Variants in PRKG1 observed in about 807,000 individuals in gnomAD.
The protein encoded by PRKG1 is cGMP-dependent protein kinase 1.
Under a neutral mutation model 88.1 loss-of-function variants are expected in PRKG1, and 35 were observed. The ratio of observed to expected loss-of-function variants is 0.40; its 90% CI spans 0.30 to 0.53. The LOEUF (loss-of-function observed/expected upper bound fraction) is 0.53, where lower values mean the gene tolerates loss of function less well. Ranked by LOEUF, PRKG1 falls within the 20% of genes least tolerant of loss-of-function variation. PRKG1 has a pLI of 0.59. For synonymous variants in PRKG1, 303 were observed against 292.5 expected, an observed-to-expected ratio of 1.04 and a Z score of -0.37; for missense variants, 540 against 839.8, an observed-to-expected ratio of 0.64 and a Z score of 4.41.
intron 3 of PRKG1, among the ~76,000 whole-genome samples, chr10:51,553,271 T>C (rs2132131698): frequency 6.6e-6 from 1 of 151,780 alleles, no homozygotes; most frequent in African/African-American, 2.4e-5. Context: ...AGACTGTAAA[T>C]AAAACCTTAT....
At chr10:52,275,418 G>A (rs2132439044) in intron 12 of PRKG1, among the ~76,000 whole-genome samples, 1 of 152,256 alleles carries the variant, frequency 6.6e-6, no homozygotes, top group African/African-American at 2.4e-5. Flanking sequence ...AATTATTCCA[G>A]CAGCATTTGT....
intron 4 of PRKG1, among the ~76,000 whole-genome samples, chr10:51,866,080 G>A (rs1277639515): frequency 6.6e-6 from 1 of 151,892 alleles, no homozygotes; most frequent in African/African-American, 2.4e-5. Flanking sequence ...AGAACCTACA[G>A]GATTTAAGTA....
chr10:51,115,147 C>A (rs1206923523), intron 1 of PRKG1, among the ~76,000 whole-genome samples: 2 of 150,942 alleles, frequency 1.3e-5, no homozygotes, highest in African/African-American at 2.4e-5. Context: ...AACCCCATCT[C>A]TACTGAAAAT....
At chr10:52,095,844 A>G (rs993060608) in intron 7 of PRKG1, among the ~76,000 whole-genome samples, 2 of 152,322 alleles carry the variant, frequency 1.3e-5, no homozygotes, top group African/African-American at 4.8e-5. Flanking sequence ...GCTAGTGATC[A>G]GGTTTACTAC....
chr10:52,133,946 C>G, intron 8 of PRKG1, 41 bp downstream of exon 8: 1 of 1,453,224 alleles, frequency 6.9e-7, no homozygotes. Flanking sequence ...ACACTCATAT[C>G]AGCAACACAC....
rs772696558 is a variant in PRKG1, at chr10:51,206,490, TAA to T, written c.478+53175_478+53176del. Among the ~76,000 whole-genome samples, 331 of 126,030 alleles carry T rather than the reference TAA, an allele frequency of 2.6e-3. 1 individual carries two copies. The highest frequency in any genetic ancestry group is 7.2e-3 in the African/African-American group (245 of 33,932). The allele number at this position is 126,030 out of a possible 152,430, so 82.7% of individuals were successfully genotyped here. ...CTGGGTGACAGAGCAAAACTCCATCTAAAAAAAAAAAAAAAAGAATGGAGCCA... is the reference window on the plus strand; with the variant it reads ...CTGGGTGACAGAGCAAAACTCCATCTAAAAAAAAAAAAAAGAATGGAGCCA... On this transcript the variant is annotated intron_variant, in intron 2 of 17. Coordinates refer to ENST00000373980, the MANE Select transcript of PRKG1 (RefSeq NM_006258.4).
intron 3 of PRKG1, chr10:51,698,973 G>A (rs547119353): frequency 1.2e-6 from 2 of 1,614,222 alleles, no homozygotes; most frequent in South Asian, 1.1e-5. Flanking sequence ...TGTATCTTCC[G>A]ATGCAGAATT....
intron 2 of PRKG1, among the ~76,000 whole-genome samples, chr10:51,190,040 G>A (rs1176369027): frequency 1.3e-5 from 2 of 151,886 alleles, no homozygotes; most frequent in Admixed American, 1.3e-4. Context: ...GAAATGTGAA[G>A]TCAAAGCAGT....
intron 3 of PRKG1, among the ~76,000 whole-genome samples, chr10:51,573,879 G>A (rs761314799): frequency 3.5e-4 from 53 of 151,988 alleles, no homozygotes; most frequent in Non-Finnish European, 6.2e-4. Context: ...AGTGGTTTTC[G>A]ATTAGCATTA....
chr10:52,062,212 G>A (rs899436247), intron 6 of PRKG1, among the ~76,000 whole-genome samples: 5 of 152,076 alleles, frequency 3.3e-5, no homozygotes, highest in East Asian at 3.9e-4. Flanking sequence ...AAGATGGACA[G>A]AAATGCTCAC....
intron 9 of PRKG1, among the ~76,000 whole-genome samples, chr10:52,225,869 A>T (rs1840375383): frequency 6.6e-6 from 1 of 152,004 alleles, no homozygotes; most frequent in Non-Finnish European, 1.5e-5. Context: ...TGCCAGTACC[A>T]CACTGTTTTG....
chr10:51,980,970 A>G (rs1356973034), intron 5 of PRKG1, among the ~76,000 whole-genome samples: 1 of 152,146 alleles, frequency 6.6e-6, no homozygotes, highest in Non-Finnish European at 1.5e-5. Flanking sequence ...TAGGACATTT[A>G]GCCTGTTTAC....
At chr10:51,066,352 G>A (rs1423572609) in intron 1 of PRKG1, among the ~76,000 whole-genome samples, 1 of 152,056 alleles carries the variant, frequency 6.6e-6, no homozygotes, top group Non-Finnish European at 1.5e-5. Context: ...CACCAAATTT[G>A]TTATATGTTC....
At chr10:51,463,567 A>G (rs188187941) in intron 2 of PRKG1, among the ~76,000 whole-genome samples, 73 of 152,366 alleles carry the variant, frequency 4.8e-4, no homozygotes, top group African/African-American at 1.7e-3. Flanking sequence ...AATACTTTAA[A>G]GGAAGAAAGG....
At chr10:51,875,201 T>C (rs1350406637) in intron 4 of PRKG1, among the ~76,000 whole-genome samples, 2 of 152,030 alleles carry the variant, frequency 1.3e-5, no homozygotes, top group Non-Finnish European at 2.9e-5. Context: ...ATTAGGTAAG[T>C]GTTGAATGCA....
chr10:51,054,845 A>T (rs1843608205), intron 1 of PRKG1, among the ~76,000 whole-genome samples: 1 of 152,180 alleles, frequency 6.6e-6, no homozygotes, highest in Admixed American at 6.5e-5. Flanking sequence ...CACGTTTAAA[A>T]TTAGGATAAT....
At chr10:52,147,732 A>G (rs1837772249) in intron 8 of PRKG1, among the ~76,000 whole-genome samples, 1 of 152,198 alleles carries the variant, frequency 6.6e-6, no homozygotes, top group African/African-American at 2.4e-5. Flanking sequence ...GAACAAATTC[A>G]AGAGAGATTG....
intron 2 of PRKG1, among the ~76,000 whole-genome samples, chr10:51,277,478 G>T (rs1424883691): frequency 1.3e-5 from 2 of 152,058 alleles, no homozygotes; most frequent in Non-Finnish European, 2.9e-5. Context: ...CTTTAAAGTA[G>T]TTTTTTCCAA....
intron 5 of PRKG1, among the ~76,000 whole-genome samples, chr10:51,994,612 C>G (rs981505044): frequency 1.1e-4 from 16 of 152,112 alleles, no homozygotes; most frequent in African/African-American, 3.1e-4. Context: ...ACTGAGATGT[C>G]CTTAAGGAGC....
Sources: gnomAD v4.1 joint callset for allele counts (sites outside exome capture counted in the v4.1 genomes callset) on GRCh38, gnomAD v4.1.1 for gene constraint, MANE v1.5 for transcripts, NCBI Gene and HGNC (gene_info 2026-07-23, HGNC 2026-07-21) for gene names.